ZNF655: variants seen among roughly 807,000 people sequenced by gnomAD.
The protein encoded by ZNF655 is zinc finger protein 655.
ZNF655 carries 3 observed loss-of-function variants against 6.6 expected under a neutral mutation model. The ratio of observed to expected loss-of-function variants is 0.46; its 90% confidence interval spans 0.21 to 1.18. The LOEUF (loss-of-function observed/expected upper bound fraction) is 1.18. Ranked by LOEUF, ZNF655 falls within the 50% of genes most tolerant of loss-of-function variation. The pLI is 0.24. For missense variants in ZNF655, 526 were observed against 572.3 expected (o/e 0.92, Z 0.83); for synonymous variants, 178 against 195.0 (o/e 0.91, Z 0.73).
rs1440618332 is a variant in ZNF655, at chr7:99,573,399, A to C, written c.1291A>C (p.Arg431=). 1.2e-6 allele frequency: 2 copies of C among 1,614,202 alleles called. No homozygotes were observed. Among genetic ancestry groups the C allele is most frequent in the East Asian group, 2.2e-5 (1 of 44,874 alleles). The change falls in exon 3 of 3, where the codon AGG becomes CGG. Residue 431 remains arginine, a synonymous_variant. Coordinates refer to ENST00000252713, the MANE Select transcript of ZNF655 (RefSeq NM_138494.3). ...CCTTATTCAGCATCACAAAATGCATAGGAAAGAGAAATCGTATGAATGTAA... is the reference window on the plus strand; with the variant it reads ...CCTTATTCAGCATCACAAAATGCATCGGAAAGAGAAATCGTATGAATGTAA... ...SCLIQHHKMH[R]KEKSYECNEY...
chr7:99,572,129 A>G lies in ZNF655; in HGVS notation c.137-116A>G, dbSNP rs572294532. The G allele has an allele frequency of 1.8e-5, 21 of 1,165,212 alleles. No homozygotes were observed. The Admixed American group carries it at 1.9e-4, about 11-fold the overall frequency. The allele number at this position is 1,165,212 out of a possible 1,614,324, so 72.2% of individuals were successfully genotyped here. On this transcript the variant is annotated intron_variant, in intron 2 of 2. Transcript: ENST00000252713. ...ATTTTGTGCCTGTTTTTCAGAGTAA[A>G]TAAACTTTTCTTGTCCTTGTAGATA... is the stretch of plus-strand genomic sequence containing the variant.
chr7:99,559,003 C>T (rs1354305024), intron 1 of ZNF655: 2 of 152,382 alleles, frequency 1.3e-5, no homozygotes, highest in Non-Finnish European at 2.9e-5. Flanking sequence ...GGCGACCGTG[C>T]CCTGGTGCGA....
intron 2 of ZNF655, among the ~76,000 whole-genome samples, chr7:99,565,220 G>T (rs1803532387): frequency 6.6e-6 from 1 of 151,686 alleles, no homozygotes; most frequent in South Asian, 2.1e-4. Context: ...CCAGGCTGGA[G>T]TGCAGTGGCA....
chr7:99,563,882 C>G (rs1803415744), intron 2 of ZNF655: 2 of 1,597,600 alleles, frequency 1.3e-6, no homozygotes, highest in Non-Finnish European at 1.7e-6. Flanking sequence ...TCCGCCTTCC[C>G]ACCACCCGGA....
chr7:99,569,446 G>A (rs1474704776), intron 2 of ZNF655, among the ~76,000 whole-genome samples: 2 of 151,984 alleles, frequency 1.3e-5, no homozygotes, highest in Non-Finnish European at 2.9e-5. Context: ...TTCAGGGCTT[G>A]TTAGGAGGCA....
At chr7:99,562,486 T>G in intron 2 of ZNF655, 1 of 1,612,476 alleles carries the variant, frequency 6.2e-7, no homozygotes. Flanking sequence ...GGGAACGTGG[T>G]CTCACTGGGT....
At position 99,573,276 on chromosome 7, in the gene ZNF655, A is replaced by C. The variant is rs1258547681; in HGVS notation, c.1168A>C (p.Arg390=). 6.2e-7 allele frequency: 1 copy of C among 1,614,186 alleles called. No individual in the cohort carries two copies. The highest frequency in any genetic ancestry group is 1.1e-5 in the South Asian group (1 of 91,080). The change falls in exon 3 of 3, where the codon AGA becomes CGA. Residue 390 remains arginine, a synonymous_variant. Coordinates refer to ENST00000252713, the MANE Select transcript of ZNF655 (RefSeq NM_138494.3). ...GTGTAGTGAATGTGGAAAAGACTTC[A>C]GATTGAATTCACATCTTATTCAGCA... ...YTCSECGKDF[R]LNSHLIQHQR...
At chr7:99,562,423 A>T (rs757053053) in intron 2 of ZNF655, 1 of 1,614,172 alleles carries the variant, frequency 6.2e-7, no homozygotes, top group South Asian at 1.1e-5. Context: ...GAATGGGGAT[A>T]CCTGGACCCT....
intron 1 of ZNF655, among the ~76,000 whole-genome samples, chr7:99,559,258 G>A (rs1053814630): frequency 2.6e-5 from 4 of 152,236 alleles, no homozygotes; most frequent in African/African-American, 9.6e-5. Flanking sequence ...GAAAAGGCCG[G>A]TCTAGCTGGT....
At chr7:99,569,282 A>G (rs891607121) in intron 2 of ZNF655, among the ~76,000 whole-genome samples, 6 of 152,362 alleles carry the variant, frequency 3.9e-5, no homozygotes, top group Non-Finnish European at 7.3e-5. Flanking sequence ...AACAGGAAAA[A>G]TGTAAATAAA....
intron 2 of ZNF655, chr7:99,571,410 C>A: frequency 8.1e-7 from 1 of 1,229,826 alleles, no homozygotes; most frequent in Non-Finnish European, 1.0e-6. Context: ...ATGATAACTT[C>A]TGTGAAGACA....
chr7:99,571,432 A>G (rs1248395412), intron 2 of ZNF655: 1 of 1,239,490 alleles, frequency 8.1e-7, no homozygotes. Flanking sequence ...ACCCATGCAC[A>G]CATTCTGTTG....
chr7:99,565,229 C>G (rs933293505), intron 2 of ZNF655, among the ~76,000 whole-genome samples: 1 of 151,584 alleles, frequency 6.6e-6, no homozygotes, highest in African/African-American at 2.4e-5. Context: ...AGTGCAGTGG[C>G]ACCATCTCTG....
intron 2 of ZNF655, chr7:99,563,947 C>G: frequency 1.2e-6 from 2 of 1,613,970 alleles, no homozygotes; most frequent in Non-Finnish European, 1.7e-6. Flanking sequence ...AGTGCTTTCT[C>G]TGGAGAAACA....
At chr7:99,562,254 C>A in intron 2 of ZNF655, 1 of 1,344,264 alleles carries the variant, frequency 7.4e-7, no homozygotes, top group Non-Finnish European at 1.0e-6. Flanking sequence ...CTAATCTGTT[C>A]TCCCTCCTCC....
intron 2 of ZNF655, chr7:99,563,988 A>AGATG: frequency 1.2e-6 from 2 of 1,613,948 alleles, no homozygotes; most frequent in Non-Finnish European, 1.7e-6. Context: ...AATCTCCAAG[A>AGATG]GATGGCCCAA....
chr7:99,571,220 T>C (rs185186446), intron 2 of ZNF655: 1 of 1,286,628 alleles, frequency 7.8e-7, no homozygotes, highest in Non-Finnish European at 1.0e-6. Context: ...GATTGGTCCT[T>C]AGAATATTTA....
At position 99,567,279 on chromosome 7, in the gene ZNF655, A is replaced by G. The variant is rs145360835; in HGVS notation, c.137-4966A>G. Among the ~76,000 whole-genome samples the G allele has an allele frequency of 8.4e-3, 1,277 of 152,318 alleles. 16 individuals are homozygous for G. The highest frequency in any genetic ancestry group is 0.03 in the African/African-American group (1,242 of 41,562). On this transcript the variant is annotated intron_variant, in intron 2 of 2. Coordinates refer to ENST00000252713, the MANE Select transcript of ZNF655 (RefSeq NM_138494.3). ...CCAGGTGCTGTGGCTCACACATGTA[A>G]TCCCAGCACTTTGGGAGGCCAAGGC... is the stretch of plus-strand genomic sequence containing the variant.
chr7:99,564,117 T>A, intron 2 of ZNF655: 1 of 1,521,602 alleles, frequency 6.6e-7, no homozygotes, highest in Non-Finnish European at 8.8e-7. Flanking sequence ...CTGTGTAAAA[T>A]CGCAGCTCCT....
Sources: gnomAD v4.1 joint callset for allele counts (sites outside exome capture counted in the v4.1 genomes callset) on GRCh38, gnomAD v4.1.1 for gene constraint, MANE v1.5 for transcripts, NCBI Gene and HGNC (gene_info 2026-07-23, HGNC 2026-07-21) for gene names.